ACSF3: variants seen among roughly 807,000 people sequenced by gnomAD.
ACSF3 encodes the protein malonate--CoA ligase ACSF3, mitochondrial.
Under a neutral mutation model 53.2 loss-of-function variants are expected in ACSF3, and 78 were observed. The ratio of observed to expected loss-of-function variants is 1.47; its 90% CI spans 1.22 to 1.77. The LOEUF is 1.77. ACSF3 is among the 40% of genes most tolerant of loss of function. The probability of loss-of-function intolerance (pLI) is 0.00; values close to 1 mark genes in which losing one functional copy is unlikely to be tolerated. For missense variants in ACSF3, 937 were observed against 771.1 expected (o/e 1.22, Z -2.55); for synonymous variants, 414 against 333.1 (o/e 1.24, Z -2.65).
chr16:89,141,288 G>A lies in ACSF3; in HGVS notation c.1367-3979G>A, dbSNP rs745914082. ...GCACAGCAAGGCGGGTGAGGCGGGC[G>A]CTGAGTAGTCTGGGAATGGGCAGGG... On this transcript the variant is annotated intron_variant, in intron 8 of 10. Coordinates refer to ENST00000614302, the MANE Select transcript of ACSF3 (RefSeq NM_001243279.3). The A allele has an allele frequency of 2.6e-5, 33 of 1,287,074 alleles. 1 individual carries two copies. In the South Asian group the frequency reaches 3.5e-4, roughly 13 times the overall value. The allele number at this position is 1,287,074 out of a possible 1,614,324, so 79.7% of individuals were successfully genotyped here.
chr16:89,150,803 C>A (rs1567754229), intron 10 of ACSF3: 2 of 380,250 alleles, frequency 5.3e-6, no homozygotes, highest in East Asian at 1.5e-4. Context: ...CCACAGCTAC[C>A]TCCCCTGCAG....
rs561032122 is a variant in ACSF3, at chr16:89,153,627, C to A, written c.1614-463C>A. Reference sequence around the variant, plus strand: ...GCGGCATTTACTCCCATCTCAAATACCCCATACAGGGCAGACTGCCCCTGC... The same window carrying A: ...GCGGCATTTACTCCCATCTCAAATAACCCATACAGGGCAGACTGCCCCTGC... On this transcript the variant is annotated intron_variant, in intron 10 of 10. Coordinates refer to ENST00000614302, the MANE Select transcript of ACSF3 (RefSeq NM_001243279.3). 3.7e-3 allele frequency: 987 copies of A among 270,400 alleles called. 2 individuals are homozygous for A. Among genetic ancestry groups the A allele is most frequent in the Non-Finnish European group, 5.2e-3 (705 of 136,326 alleles). 16.8% of individuals were successfully genotyped at this position (270,400 alleles called of 1,614,324 possible).
chr16:89,136,814 C>T (rs1285075130), intron 8 of ACSF3: 1 of 1,286,596 alleles, frequency 7.8e-7, no homozygotes, highest in East Asian at 5.6e-5. Flanking sequence ...AAGGAGATGG[C>T]AAAGGTCTGT....
At position 89,100,561 on chromosome 16, in the gene ACSF3, G is replaced by C. The variant is rs976710864; in HGVS notation, c.-20-101G>C. On this transcript the variant is annotated intron_variant, in intron 2 of 10. Transcript: ENST00000614302. ...TGCCTCATGACTGAAGGTGCAGCAG[G>C]CGTACCTGGCTGGGTACTGGGGAGG... is the stretch of plus-strand genomic sequence containing the variant. The C allele has an allele frequency of 6.8e-6, 8 of 1,180,532 alleles. No individual in the cohort carries two copies. The Admixed American group carries it at 7.4e-5, about 11-fold the overall frequency. The allele number at this position is 1,180,532 out of a possible 1,614,324, so 73.1% of individuals were successfully genotyped here.
chr16:89,120,817 A>ACTGC lies in ACSF3; in HGVS notation c.1147_1150dup (p.Gly384AlafsTer37). ...CTCCTGTAGGTTCCGTGGGGACCCC[A>ACTGC]CTGCCTGGAGTACAGGTGCGCATTG... is the stretch of plus-strand genomic sequence containing the variant. On this transcript the variant is annotated frameshift_variant, in exon 7 of 11. Coordinates refer to ENST00000614302, the MANE Select transcript of ACSF3 (RefSeq NM_001243279.3). LOFTEE classifies it high-confidence loss of function. 2 of 1,613,984 alleles carry ACTGC rather than the reference A, an allele frequency of 1.2e-6. No individual in the cohort carries two copies. Among genetic ancestry groups the ACTGC allele is most frequent in the Non-Finnish European group, 8.5e-7 (1 of 1,179,932 alleles).
intron 6 of ACSF3, among the ~76,000 whole-genome samples, chr16:89,116,474 G>T (rs1162542457): frequency 2.0e-5 from 3 of 152,216 alleles, no homozygotes; most frequent in Non-Finnish European, 4.4e-5. Context: ...GAGACTGTAG[G>T]CTCACGCCCC....
rs1471032948 is a variant in ACSF3, at chr16:89,100,941, G to T, written c.260G>T (p.Gly87Val). Residue 87 changes from glycine (G) to valine (V), a missense_variant, in exon 3 of 11, where the codon GGG becomes GTG. Coordinates refer to ENST00000614302, the MANE Select transcript of ACSF3 (RefSeq NM_001243279.3). The part of the protein sequence containing the change: ...RLSQEICRLC[G>V]CVGGDLREER... ...TCCCAGGAGATCTGCAGGCTCTGCGGGTGTGTCGGCGGGGACCTCCGGGAG... is the reference window on the plus strand; with the variant it reads ...TCCCAGGAGATCTGCAGGCTCTGCGTGTGTGTCGGCGGGGACCTCCGGGAG... The T allele has an allele frequency of 1.2e-6, 2 of 1,613,786 alleles. No individual in the cohort carries two copies. Among genetic ancestry groups the T allele is most frequent in the Non-Finnish European group, 1.7e-6 (2 of 1,180,034 alleles).
intron 8 of ACSF3, among the ~76,000 whole-genome samples, chr16:89,138,367 G>A (rs1911050092): frequency 1.3e-5 from 2 of 152,224 alleles, no homozygotes; most frequent in African/African-American, 4.8e-5. Context: ...TGGCCATGCT[G>A]CCTTCACAGG....
chr16:89,138,834 A>G (rs1256602212), intron 8 of ACSF3, among the ~76,000 whole-genome samples: 1 of 152,254 alleles, frequency 6.6e-6, no homozygotes, highest in African/African-American at 2.4e-5. Context: ...AAAACACATG[A>G]GGACTCTGGG....
chr16:89,110,470 G>C (rs8044701), intron 4 of ACSF3, among the ~76,000 whole-genome samples: 1 of 152,010 alleles, frequency 6.6e-6, no homozygotes, highest in Non-Finnish European at 1.5e-5. Context: ...CCAGATATCT[G>C]TGCATTCGTT....
At position 89,112,137 on chromosome 16, in the gene ACSF3, T is replaced by C. The variant is rs1976759534; in HGVS notation, c.868T>C (p.Phe290Leu). ...TTCTGAAACGCCGCGGATCAATGTC[T>C]TTATGGCAGTGCCTACAATATACAC... ...LSSETPRINV[F>L]MAVPTIYTKL... The change falls in exon 5 of 11, where the codon TTT becomes CTT. Residue 290 changes from phenylalanine to leucine, a missense_variant. Physicochemically the swap from Phe to Leu is conservative, Grantham distance 22. Transcript: ENST00000614302. 1.8e-6 allele frequency: 2 copies of C among 1,106,984 alleles called. No individual in the cohort carries two copies. The highest frequency in any genetic ancestry group is 1.0e-4 in the East Asian group (2 of 19,632). The allele number at this position is 1,106,984 out of a possible 1,614,324, so 68.6% of individuals were successfully genotyped here.
rs75591977 is a variant in ACSF3, at chr16:89,114,357, A to G, written c.996A>G (p.Ser332=). 3 of 1,614,048 alleles carry G rather than the reference A, an allele frequency of 1.9e-6. No individual in the cohort carries two copies. The change falls in exon 6 of 11, where the codon TCA becomes TCG. Residue 332 remains serine, a synonymous_variant. Coordinates refer to ENST00000614302, the MANE Select transcript of ACSF3 (RefSeq NM_001243279.3). ...EEKIRLMVSG[S]AALPLPVLEK... ...CGCGTAGGCTGATGGTCTCAGGCTC[A>G]GCTGCCCTGCCCCTCCCAGTGCTGG...
At chr16:89,134,973 T>C (rs1001875831) in intron 8 of ACSF3, among the ~76,000 whole-genome samples, 1 of 152,028 alleles carries the variant, frequency 6.6e-6, no homozygotes, top group African/African-American at 2.4e-5. Context: ...CACGTGGTTG[T>C]GTGGCTGCAG....
chr16:89,131,318 G>A (rs1378548739), intron 7 of ACSF3, among the ~76,000 whole-genome samples: 1 of 151,226 alleles, frequency 6.6e-6, no homozygotes, highest in East Asian at 1.9e-4. Flanking sequence ...TAGAGACAGG[G>A]TTTTGCCATG....
chr16:89,108,283 C>T lies in ACSF3; in HGVS notation c.823-3809C>T, dbSNP rs144994518. On this transcript the variant is annotated intron_variant, in intron 4 of 10. Coordinates refer to ENST00000614302, the MANE Select transcript of ACSF3 (RefSeq NM_001243279.3). The stretch of plus-strand genomic sequence containing the variant: ...CCCCACATGTCTCCTCTTCTGGTGC[C>T]TTCATTTGTCCCTACAGAGGTTCTC... Among the ~76,000 whole-genome samples, 724 of 152,288 alleles carry T rather than the reference C, an allele frequency of 4.8e-3. 8 individuals are homozygous for T. Among genetic ancestry groups the T allele is most frequent in the South Asian group, 0.039 (190 of 4,826 alleles).
At chr16:89,136,014 A>G (rs1328310686) in intron 8 of ACSF3, among the ~76,000 whole-genome samples, 1 of 152,250 alleles carries the variant, frequency 6.6e-6, no homozygotes, top group African/African-American at 2.4e-5. Context: ...GCCTCAGGTG[A>G]TCCGCCCGCC....
chr16:89,105,096 G>T (rs540274932), intron 4 of ACSF3, among the ~76,000 whole-genome samples: 4 of 151,276 alleles, frequency 2.6e-5, no homozygotes, highest in East Asian at 1.9e-4. Flanking sequence ...CGTCGCCAGG[G>T]TCACCCCCTG....
Position 89,101,134 on chromosome 16 carries a change from G to C in ACSF3, c.453G>C (p.Glu151Asp), listed in dbSNP as rs1975267890. The change falls in exon 3 of 11, where the codon GAG becomes GAC. Residue 151 changes from glutamate (E) to aspartate (D), a missense_variant. By Grantham distance (45) the Glu-to-Asp change is conservative (BLOSUM62 2). Transcript: ENST00000614302. ...SQSSVVLASQEYLELLSPVVR... is the reference protein window; with the variant it reads ...SQSSVVLASQDYLELLSPVVR... ...GCTCTGTGGTCCTTGCCAGCCAGGA[G>C]TACCTGGAGCTCCTGAGCCCGGTGG... 1.2e-6 allele frequency: 2 copies of C among 1,613,866 alleles called. No individual in the cohort carries two copies. Among genetic ancestry groups the C allele is most frequent in the Admixed American group, 1.7e-5 (1 of 60,008 alleles).
chr16:89,126,045 T>C (rs111452830), intron 7 of ACSF3, among the ~76,000 whole-genome samples: 63 of 6,516 alleles, frequency 9.7e-3, no homozygotes, highest in African/African-American at 0.036. Context: ...TACATAGATC[T>C]GTGAACACGG....
Sources: allele counts gnomAD v4.1 joint callset (sites outside exome capture counted in the v4.1 genomes callset), GRCh38; gene constraint gnomAD v4.1.1; transcripts MANE v1.5; gene names NCBI Gene and HGNC (gene_info 2026-07-23, HGNC 2026-07-21).